RNF43: variants seen among roughly 807,000 people sequenced by gnomAD.
RNF43 encodes E3 ubiquitin-protein ligase RNF43.
RNF43 carries 37 observed loss-of-function variants against 78.4 expected under a neutral mutation model. That is an observed-to-expected ratio of 0.47 (90% CI 0.36 to 0.62). The LOEUF is 0.62. RNF43 is among the 20% of genes least tolerant of loss of function. The pLI, the probability that RNF43 is intolerant of heterozygous loss-of-function variation, is 0.00. For missense variants in RNF43, 774 were observed against 1,007.9 expected (o/e 0.77, Z 3.14); for synonymous variants, 347 against 395.0 (o/e 0.88, Z 1.44).
intron 2 of RNF43, among the ~76,000 whole-genome samples, chr17:58,374,539 C>T (rs1005520909): frequency 1.3e-5 from 2 of 152,078 alleles, no homozygotes; most frequent in African/African-American, 4.8e-5. Flanking sequence ...ACTACAGGCG[C>T]CCGCCACCAT....
At chr17:58,361,364 C>T (rs1972831180) in intron 6 of RNF43, among the ~76,000 whole-genome samples, 1 of 152,228 alleles carries the variant, frequency 6.6e-6, no homozygotes, top group Non-Finnish European at 1.5e-5. Flanking sequence ...TTGGTGCCGT[C>T]CTTGAGTCCT....
At chr17:58,383,155 T>C (rs971435140) in intron 2 of RNF43, among the ~76,000 whole-genome samples, 6 of 152,216 alleles carry the variant, frequency 3.9e-5, no homozygotes, top group African/African-American at 7.2e-5. Flanking sequence ...TTAGAATCAG[T>C]TCACTCTGGA....
chr17:58,395,533 T>C (rs1160927380), intron 2 of RNF43, among the ~76,000 whole-genome samples: 3 of 152,202 alleles, frequency 2.0e-5, no homozygotes, highest in Non-Finnish European at 2.9e-5. Context: ...TATATTATTA[T>C]GGCAATTTAA....
At chr17:58,383,637 GT>G (rs978765710) in intron 2 of RNF43, among the ~76,000 whole-genome samples, 5 of 152,008 alleles carry the variant, frequency 3.3e-5, no homozygotes, top group Middle Eastern at 6.8e-3. Flanking sequence ...GCATTTTGGT[GT>G]TTTTTTCTTT....
chr17:58,368,351 C>G (rs1972999177), intron 3 of RNF43, among the ~76,000 whole-genome samples: 1 of 152,148 alleles, frequency 6.6e-6, no homozygotes, highest in African/African-American at 2.4e-5. Flanking sequence ...AGTTTGAGAC[C>G]AGCCTGGCCA....
chr17:58,393,925 G>A (rs1006683825), intron 2 of RNF43, among the ~76,000 whole-genome samples: 7 of 152,096 alleles, frequency 4.6e-5, no homozygotes, highest in African/African-American at 9.7e-5. Flanking sequence ...GCGTGGTGGC[G>A]GGCACCTGTA....
chr17:58,383,619 T>G (rs1973367348), intron 2 of RNF43, among the ~76,000 whole-genome samples: 1 of 151,872 alleles, frequency 6.6e-6, no homozygotes, highest in Non-Finnish European at 1.5e-5. Context: ...CAAGTTTTTT[T>G]GTTTTTTGCA....
chr17:58,365,384 A>G (rs749515168), intron 3 of RNF43, among the ~76,000 whole-genome samples: 4 of 152,106 alleles, frequency 2.6e-5, no homozygotes, highest in Non-Finnish European at 5.9e-5. Flanking sequence ...CCCTGGACCC[A>G]CCCTGGCCTG....
Position 58,358,631 on chromosome 17 carries a change from C to A in RNF43, c.1145G>T (p.Gly382Val), listed in dbSNP as rs2143422643. 6.5e-7 allele frequency: 1 copy of A among 1,541,538 alleles called. No homozygotes were observed. Residue 382 changes from glycine to valine, a missense_variant, in exon 9 of 10, where the codon GGC becomes GTC. Coordinates refer to ENST00000407977, the MANE Select transcript of RNF43 (RefSeq NM_017763.6). The surrounding 1 kb of genome is among the most constrained non-coding windows in gnomAD (Gnocchi z 6.2). ...PGPFLPSQEPGMGPRHHRFPR... is the reference protein window; with the variant it reads ...PGPFLPSQEPVMGPRHHRFPR... ...GAAGCGGTGATGCCGAGGGCCCATG[C>A]CTGGCTCCTGGGATGGCAGGAAGGG...
At chr17:58,397,946 A>C (rs12232532) in intron 2 of RNF43, among the ~76,000 whole-genome samples, 9,708 of 152,244 alleles carry the variant, frequency 0.064, 629 homozygotes, top group South Asian at 0.28. Context: ...AACCAATGAG[A>C]ATTTCTGACA....
chr17:58,366,182 A>T lies in RNF43; in HGVS notation c.376-2582T>A, dbSNP rs1280050807. On this transcript the variant is annotated intron_variant, in intron 3 of 9. Coordinates refer to ENST00000407977, the MANE Select transcript of RNF43 (RefSeq NM_017763.6). ...TATTCTAAAGCACAAAGGAATAGAA[A>T]CGGAAGCTTCCAGACCTTTTTTCAC... is the stretch of plus-strand genomic sequence containing the variant. Among the ~76,000 whole-genome samples the T allele has an allele frequency of 3.3e-5, 5 of 152,366 alleles. No homozygotes were observed. In the East Asian group the frequency reaches 9.6e-4, roughly 29 times the overall value.
intron 2 of RNF43, 103 bp from the exon 3 acceptor site, chr17:58,371,136 C>A (rs1270518218): frequency 1.7e-6 from 2 of 1,194,974 alleles, no homozygotes; most frequent in Non-Finnish European, 2.3e-6. Flanking sequence ...CCAGGCAGGT[C>A]TCTTGGTGCT....
chr17:58,362,271 G>C (rs1039910015), intron 6 of RNF43, among the ~76,000 whole-genome samples: 3 of 152,016 alleles, frequency 2.0e-5, no homozygotes, highest in Non-Finnish European at 4.4e-5. Flanking sequence ...AAAGCTCTTT[G>C]AGGGTAGGAG....
chr17:58,395,472 C>T (rs1444577728), intron 2 of RNF43, among the ~76,000 whole-genome samples: 1 of 151,786 alleles, frequency 6.6e-6, no homozygotes, highest in African/African-American at 2.4e-5. Context: ...ATTGTGTACA[C>T]TTGAACTCCT....
chr17:58,377,389 G>A (rs1973224751), intron 2 of RNF43, among the ~76,000 whole-genome samples: 1 of 152,092 alleles, frequency 6.6e-6, no homozygotes, highest in South Asian at 2.1e-4. Context: ...CCAGTGTTCT[G>A]CAAGGCGCAT....
rs762393748 is a variant in RNF43 at position 58,415,384 on chromosome 17, A to C, written c.194T>G (p.Leu65Trp). 1.2e-6 allele frequency: 2 copies of C among 1,614,256 alleles called. No individual in the cohort carries two copies. Among genetic ancestry groups the C allele is most frequent in the Non-Finnish European group, 1.7e-6 (2 of 1,180,018 alleles). ...MDPTGKLNLT[L>W]EGVFAGVAEI... The stretch of plus-strand genomic sequence containing the variant: ...AGCAACACCAGCAAACACACCTTCC[A>C]AAGTGAGATTCAGTTTTCCTGTGGG... The change falls in exon 2 of 10, where the codon TTG becomes TGG. Residue 65 changes from leucine (L) to tryptophan (W), a missense_variant. By Grantham distance (61) the Leu-to-Trp change is moderately conservative. Transcript: ENST00000407977.
chr17:58,366,320 G>A (rs1277739559), intron 3 of RNF43, among the ~76,000 whole-genome samples: 1 of 152,146 alleles, frequency 6.6e-6, no homozygotes, highest in African/African-American at 2.4e-5. Flanking sequence ...TTTGAGGTAG[G>A]GGTGGGGACA....
chr17:58,357,652 C>G lies in RNF43; in HGVS notation c.2124G>C (p.Lys708Asn), dbSNP rs2143389318. 2 of 1,613,804 alleles carry G rather than the reference C, an allele frequency of 1.2e-6. No homozygotes were observed. Among genetic ancestry groups the G allele is most frequent in the Non-Finnish European group, 1.7e-6 (2 of 1,179,810 alleles). The change falls in exon 9 of 10, where the codon AAG (lysine) becomes AAC (asparagine). Residue 708 changes from lysine to asparagine, a missense_variant. Lys to Asn is a moderately conservative substitution (Grantham distance 94, BLOSUM62 0). Transcript: ENST00000407977. This position sits in a 1 kb window ranked among gnomAD's most constrained non-coding sequence, Gnocchi z 4.5. ...PLICGPPGLDKRLLPETPGPC... is the reference protein window; with the variant it reads ...PLICGPPGLDNRLLPETPGPC... ...GGCCTGGGGTTTCTGGTAGCAGCCT[C>G]TTGTCCAGGCCTGGAGGTCCACAGA...
Position 58,357,007 on chromosome 17 carries a change from C to T in RNF43, c.2308+461G>A, listed in dbSNP as rs1253150677. On this transcript the variant is annotated intron_variant, in intron 9 of 9. Transcript: ENST00000407977. This position sits in a 1 kb window ranked among gnomAD's most constrained non-coding sequence, Gnocchi z 4.5. Reference sequence around the variant, plus strand: ...CTCTTAGGTTCACGCGATTCTCCTGCCTCAGCCTCCTGAGTAGCTGGGATT... The same window carrying T: ...CTCTTAGGTTCACGCGATTCTCCTGTCTCAGCCTCCTGAGTAGCTGGGATT... 7.0e-6 allele frequency: 4 copies of T among 571,558 alleles called. No individual in the cohort carries two copies. The African/African-American group carries it at 7.6e-5, about 11-fold the overall frequency. 35.4% of individuals were successfully genotyped at this position (571,558 alleles called of 1,614,324 possible).
Sources: gnomAD v4.1 joint callset for allele counts (sites outside exome capture counted in the v4.1 genomes callset) on GRCh38, gnomAD v4.1.1 for gene constraint, Gnocchi (gnomAD v3.1) non-coding constraint, MANE v1.5 for transcripts, NCBI Gene and HGNC (gene_info 2026-07-23, HGNC 2026-07-21) for gene names.